Variants in PPEF1 observed in about 807,000 individuals in gnomAD.
The protein encoded by PPEF1 is protein phosphatase with EF-hand domain 1, also known as serine/threonine-protein phosphatase with EF-hands 1.
In PPEF1, 12 loss-of-function variants were observed where a neutral mutation model predicts 53.3. The observed-to-expected ratio is 0.23, with a 90% confidence interval of 0.14 to 0.36. The LOEUF is 0.36. Ranked by LOEUF, PPEF1 falls within the 10% of genes least tolerant of loss-of-function variation. PPEF1 has a pLI of 1.00. For missense variants in PPEF1, 334 were observed against 490.4 expected, an observed-to-expected ratio of 0.68 and a Z score of 3.01; for synonymous variants, 165 against 176.7, an observed-to-expected ratio of 0.93 and a Z score of 0.52.
chrX:18,687,738 G>T (rs1300817737), intron 3 of PPEF1, among the ~76,000 whole-genome samples: 1 of 101,844 alleles, frequency 9.8e-6, no homozygotes, highest in Non-Finnish European at 2.0e-5. Flanking sequence ...GCCCAGGCTG[G>T]AGTGCAGTGG....
chrX:18,778,913 T>A (rs957781004), intron 6 of PPEF1, 97 bp from the exon 7 acceptor site: 12 of 864,199 alleles, frequency 1.4e-5, no homozygotes, highest in Non-Finnish European at 1.7e-5. Context: ...TGACTCAGCC[T>A]CTTTTTTCCA....
At position 18,818,134 on chromosome X, in the gene PPEF1, A is replaced by G; in HGVS notation, c.1490A>G (p.His497Arg). ...DLTRAFQLQDHRKSGKLSVSQ... is the reference protein window; with the variant it reads ...DLTRAFQLQDRRKSGKLSVSQ... ...ACTCGTGCTTTCCAACTTCAAGACC[A>G]CAGAAAATCAGGTAACAAATTTGCA... is the stretch of plus-strand genomic sequence containing the variant. Residue 497 changes from histidine to arginine, a missense_variant, in exon 13 of 16, where the codon CAC becomes CGC. Physicochemically the swap from His to Arg is conservative, Grantham distance 29. Transcript: ENST00000470157. The G allele has an allele frequency of 8.4e-7, 1 of 1,183,857 alleles. No homozygotes were observed. Among genetic ancestry groups the G allele is most frequent in the Non-Finnish European group, 1.1e-6 (1 of 872,715 alleles).
chrX:18,681,771 A>G (rs1208735585), upstream of PPEF1, among the ~76,000 whole-genome samples: 3 of 111,442 alleles, frequency 2.7e-5, 1 homozygote, highest in East Asian at 8.5e-4. Flanking sequence ...AGTGATGAGT[A>G]TCACTTCCAA....
chrX:18,679,218 C>T (rs1026750573), upstream of PPEF1, among the ~76,000 whole-genome samples: 7 of 111,825 alleles, frequency 6.3e-5, no homozygotes, highest in African/African-American at 1.3e-4. Context: ...GGATCACAGG[C>T]GTGCGCCACC....
intron 11 of PPEF1, among the ~76,000 whole-genome samples, chrX:18,804,416 C>T (rs767400545): frequency 7.3e-5 from 8 of 109,864 alleles, no homozygotes; most frequent in Non-Finnish European, 1.5e-4. Flanking sequence ...AAGTGATTCT[C>T]GTGCCTCAGC....
At chrX:18,808,503 A>G (rs1240988409) in intron 12 of PPEF1, among the ~76,000 whole-genome samples, 3 of 109,987 alleles carry the variant, frequency 2.7e-5, no homozygotes, top group Non-Finnish European at 5.7e-5. Flanking sequence ...TTTAAAAACA[A>G]TGCTATAACT....
rs149145877 is a variant in PPEF1, at chrX:18,733,912, G to T, written c.235+104G>T. The T allele has an allele frequency of 1.2e-4, 76 of 648,131 alleles. No homozygotes were observed. The African/African-American group carries it at 1.5e-3, about 13-fold the overall frequency. 53.4% of individuals were successfully genotyped at this position (648,131 alleles called of 1,213,427 possible). On this transcript the variant is annotated intron_variant, in intron 3 of 15. Transcript: ENST00000470157. ...TGGGAGAACACTATGAAATTAAAAA[G>T]ATGCCTACCTCTTTTGTTTATGTGA... is the stretch of plus-strand genomic sequence containing the variant.
At chrX:18,738,569 A>G (rs1442692732) in intron 3 of PPEF1, among the ~76,000 whole-genome samples, 1 of 111,024 alleles carries the variant, frequency 9.0e-6, no homozygotes, top group Non-Finnish European at 1.9e-5. Flanking sequence ...TTTTTCCTTC[A>G]TTTCCAACTT....
chrX:18,811,540 T>G (rs761640892), intron 12 of PPEF1, among the ~76,000 whole-genome samples: 100 of 107,744 alleles, frequency 9.3e-4, no homozygotes, highest in Non-Finnish European at 1.5e-3. Flanking sequence ...CACTCTTTAT[T>G]TTTGCATTGC....
intron 13 of PPEF1, among the ~76,000 whole-genome samples, chrX:18,821,774 AG>A (rs2047056200): frequency 4.7e-4 from 46 of 98,178 alleles, no homozygotes; most frequent in Non-Finnish European, 8.2e-4. Flanking sequence ...AGAGAGAGAG[AG>A]AGAGAGAGAG....
intron 10 of PPEF1, among the ~76,000 whole-genome samples, chrX:18,795,957 G>A (rs780555393): frequency 5.4e-5 from 6 of 111,655 alleles, no homozygotes; most frequent in African/African-American, 1.3e-4. Context: ...TGTTTGGTTG[G>A]TTGGTTTCCT....
chrX:18,702,765 G>A (rs193004411), upstream of PPEF1, among the ~76,000 whole-genome samples: 147 of 110,952 alleles, frequency 1.3e-3, 1 homozygote, highest in Non-Finnish European at 2.4e-3. Context: ...CAAATTATAA[G>A]TGAGTGCCAA....
intron 1 of PPEF1, among the ~76,000 whole-genome samples, chrX:18,718,565 G>A (rs964609960): frequency 4.5e-5 from 5 of 111,343 alleles, no homozygotes; most frequent in African/African-American, 1.6e-4. Context: ...ACTCCAGCCC[G>A]GGCAACAGAG....
intron 6 of PPEF1, among the ~76,000 whole-genome samples, chrX:18,777,645 G>A (rs973837353): frequency 3.7e-5 from 4 of 109,346 alleles, no homozygotes; most frequent in East Asian, 5.8e-4. Flanking sequence ...TCAGCCTCCC[G>A]AGTAGCTGGG....
intron 12 of PPEF1, among the ~76,000 whole-genome samples, chrX:18,807,666 C>CT (rs746752862): frequency 5.5e-5 from 6 of 108,303 alleles, no homozygotes; most frequent in Admixed American, 9.9e-5. Flanking sequence ...AATGTACATA[C>CT]TTTTTTTTTT....
chrX:18,742,066 G>A (rs775865204), intron 3 of PPEF1, among the ~76,000 whole-genome samples: 7 of 110,861 alleles, frequency 6.3e-5, no homozygotes, highest in African/African-American at 2.3e-4. Context: ...CCAAAGTGCT[G>A]GGATTACACA....
chrX:18,752,252 TTGA>T (rs1286870548), intron 4 of PPEF1, among the ~76,000 whole-genome samples: 1 of 111,842 alleles, frequency 8.9e-6, no homozygotes, highest in Non-Finnish European at 1.9e-5. Flanking sequence ...ATTCTTTTGG[TTGA>T]TATTATAAAA....
chrX:18,676,914 C>G (rs766134902), intron 1 of PPEF1, among the ~76,000 whole-genome samples: 2 of 111,482 alleles, frequency 1.8e-5, no homozygotes, highest in Non-Finnish European at 3.8e-5. Flanking sequence ...AGCTGGTGTC[C>G]CTCTGTTGCA....
chrX:18,803,353 C>T (rs973247482), intron 10 of PPEF1, among the ~76,000 whole-genome samples: 10 of 112,781 alleles, frequency 8.9e-5, no homozygotes, highest in African/African-American at 3.2e-4. Flanking sequence ...AAACCCACAA[C>T]CTTCCAGCGT....
Sources: allele counts gnomAD v4.1 joint callset (sites outside exome capture counted in the v4.1 genomes callset), GRCh38; gene constraint gnomAD v4.1.1; transcripts MANE v1.5; gene names NCBI Gene and HGNC (gene_info 2026-07-23, HGNC 2026-07-21).